PARN: variants seen among roughly 807,000 people sequenced by gnomAD.
PARN encodes poly(A)-specific ribonuclease.
Under a neutral mutation model 102.8 loss-of-function variants are expected in PARN, and 71 were observed. That is an observed-to-expected ratio of 0.69 (90% CI 0.57 to 0.84). The LOEUF (loss-of-function observed/expected upper bound fraction) is 0.84. Ranked by LOEUF, PARN falls within the 40% of genes least tolerant of loss-of-function variation. The pLI, the probability that PARN is intolerant of heterozygous loss-of-function variation, is 0.00. For missense variants in PARN, 782 were observed against 760.9 expected, an observed-to-expected ratio of 1.03 and a Z score of -0.33; for synonymous variants, 261 against 252.9, an observed-to-expected ratio of 1.03 and a Z score of -0.30.
At chr16:14,577,787 C>A (rs1205077529) in intron 18 of PARN, among the ~76,000 whole-genome samples, 1 of 151,992 alleles carries the variant, frequency 6.6e-6, no homozygotes, top group Non-Finnish European at 1.5e-5. Context: ...CCTGCCTCAG[C>A]CCCCCCAGTA....
chr16:14,521,079 A>C (rs1450529971), intron 21 of PARN, among the ~76,000 whole-genome samples: 5 of 152,230 alleles, frequency 3.3e-5, no homozygotes, highest in Admixed American at 1.3e-4. Context: ...AGCTTCAGTA[A>C]GGTAAAAGAT....
intron 22 of PARN, among the ~76,000 whole-genome samples, chr16:14,451,113 T>C (rs953864098): frequency 6.6e-6 from 1 of 152,198 alleles, no homozygotes; most frequent in Non-Finnish European, 1.5e-5. Flanking sequence ...TAGGTTTACC[T>C]AATGAAGTTC....
intron 9 of PARN, 88 bp downstream of exon 9, chr16:14,608,193 C>A: frequency 1.0e-6 from 1 of 1,001,028 alleles, no homozygotes; most frequent in South Asian, 1.6e-5. Context: ...CGCAGAATTT[C>A]AAAAAGGAAA....
Position 14,441,852 on chromosome 16 carries a change from G to C in PARN, c.1864+5036C>G, listed in dbSNP as rs1439808418. On this transcript the variant is annotated intron_variant, in intron 23 of 23. Coordinates refer to ENST00000437198, the MANE Select transcript of PARN (RefSeq NM_002582.4). ...TCTGACTTTAAGGAGACCAGTAACA[G>C]CATGAGGAGACTGCTGCTCTAATTA... 2.0e-5 allele frequency among the ~76,000 whole-genome samples: 3 copies of C among 152,218 alleles called. No individual in the cohort carries two copies. The East Asian group carries it at 5.8e-4, about 29-fold the overall frequency.
chr16:14,629,751 A>C, intron 1 of PARN, 77 bp from the exon 2 acceptor site: 1 of 1,095,490 alleles, frequency 9.1e-7, no homozygotes, highest in Non-Finnish European at 1.4e-6. Context: ...AGGGCCGAGG[A>C]GCTCCCGAGG....
chr16:14,518,416 C>T (rs527629876), intron 21 of PARN, among the ~76,000 whole-genome samples: 1 of 150,816 alleles, frequency 6.6e-6, no homozygotes, highest in East Asian at 1.9e-4. Context: ...TTTAAATGGG[C>T]TTAATTTATG....
At chr16:14,601,132 T>C (rs1442394643) in intron 11 of PARN, among the ~76,000 whole-genome samples, 2 of 152,052 alleles carry the variant, frequency 1.3e-5, no homozygotes, top group Non-Finnish European at 2.9e-5. Flanking sequence ...CCCCAAAGAA[T>C]TGAAAGCAGG....
intron 6 of PARN, among the ~76,000 whole-genome samples, chr16:14,611,645 A>G (rs996443465): frequency 1.6e-4 from 24 of 152,132 alleles, no homozygotes; most frequent in African/African-American, 5.8e-4. Context: ...GGTTCAAGCA[A>G]TTCTTCTGTC....
At chr16:14,628,349 T>C in intron 2 of PARN, 98 bp from the exon 3 acceptor site, 1 of 693,048 alleles carries the variant, frequency 1.4e-6, no homozygotes, top group Non-Finnish European at 2.5e-6. Flanking sequence ...GTATCACGAA[T>C]TAAGGTTACT....
In PARN at chr16:14,523,266, A is replaced by G. The variant is rs189975602; in HGVS notation, c.1480+28755T>C. Among the ~76,000 whole-genome samples the G allele has an allele frequency of 2.6e-4, 40 of 151,652 alleles. 1 individual carries two copies. The East Asian group carries it at 7.3e-3, about 28-fold the overall frequency. On this transcript the variant is annotated intron_variant, in intron 21 of 23. Transcript: ENST00000437198. ...ACACACACACACACACAAACTATAC[A>G]TATACATATATATATCCCCCAATTA...
At chr16:14,622,524 A>T (rs1972375730) in intron 5 of PARN, among the ~76,000 whole-genome samples, 1 of 152,196 alleles carries the variant, frequency 6.6e-6, no homozygotes, top group African/African-American at 2.4e-5. Context: ...TATATATTTG[A>T]GACGGAGTCT....
chr16:14,618,742 T>C (rs1243157807), intron 5 of PARN, among the ~76,000 whole-genome samples: 1 of 152,064 alleles, frequency 6.6e-6, no homozygotes, highest in Admixed American at 6.6e-5. Flanking sequence ...ACTGTTGCAG[T>C]ACTGACTAGG....
At chr16:14,518,276 A>T (rs1276970616) in intron 21 of PARN, among the ~76,000 whole-genome samples, 1 of 136,944 alleles carries the variant, frequency 7.3e-6, no homozygotes, top group Non-Finnish European at 1.6e-5. Flanking sequence ...TAGGCAACAG[A>T]GTAAGACCCT....
intron 21 of PARN, among the ~76,000 whole-genome samples, chr16:14,498,710 G>C (rs1290393286): frequency 6.6e-6 from 1 of 152,150 alleles, no homozygotes; most frequent in Admixed American, 6.5e-5. Context: ...TTAAAGGAAG[G>C]GAATGAAATC....
intron 9 of PARN, among the ~76,000 whole-genome samples, chr16:14,607,607 A>G (rs1269113557): frequency 6.6e-5 from 10 of 152,138 alleles, no homozygotes; most frequent in Admixed American, 5.9e-4. Flanking sequence ...TCAGCCAAGG[A>G]GGAGAGGGAT....
chr16:14,571,952 T>C (rs1968840434), intron 18 of PARN, among the ~76,000 whole-genome samples: 1 of 152,232 alleles, frequency 6.6e-6, no homozygotes, highest in Non-Finnish European at 1.5e-5. Context: ...TTTAAATATT[T>C]AAATTCAAAT....
At position 14,586,271 on chromosome 16, in the gene PARN, C is replaced by A. The variant is rs2151757016; in HGVS notation, c.962+47G>T. On this transcript the variant is annotated intron_variant, in intron 14 of 23. Transcript: ENST00000437198. ...GGATTATAGGTGTGAGCCACCGTGCCCAGCCAACTTTTTTAAAAGAAAGAC... is the reference window on the plus strand; with the variant it reads ...GGATTATAGGTGTGAGCCACCGTGCACAGCCAACTTTTTTAAAAGAAAGAC... 2.5e-6 allele frequency: 3 copies of A among 1,211,672 alleles called. No homozygotes were observed. The East Asian group carries it at 7.6e-5, about 31-fold the overall frequency. The allele number at this position is 1,211,672 out of a possible 1,614,324, so 75.1% of individuals were successfully genotyped here. A position where few individuals can be genotyped will look rare whatever the true frequency, so the allele number is the denominator to read the frequency against.
chr16:14,484,015 A>C (rs1963524354), intron 21 of PARN, among the ~76,000 whole-genome samples: 1 of 152,120 alleles, frequency 6.6e-6, no homozygotes, highest in African/African-American at 2.4e-5. Flanking sequence ...CTGGAGTCCC[A>C]AAGTCCATTA....
At chr16:14,532,376 C>T (rs1966390402) in intron 21 of PARN, among the ~76,000 whole-genome samples, 1 of 151,540 alleles carries the variant, frequency 6.6e-6, no homozygotes. Context: ...GTGGTGATGA[C>T]TCTTAAGGAG....
Sources: gnomAD v4.1 joint callset for allele counts (sites outside exome capture counted in the v4.1 genomes callset) on GRCh38, gnomAD v4.1.1 for gene constraint, MANE v1.5 for transcripts, NCBI Gene and HGNC (gene_info 2026-07-23, HGNC 2026-07-21) for gene names.